Variants in EAF2 observed in about 807,000 individuals in gnomAD.
EAF2 encodes the protein ELL associated factor 2.
Under a neutral mutation model 29.4 loss-of-function variants are expected in EAF2, and 29 were observed. That is an observed-to-expected ratio of 0.99 (90% confidence interval 0.73 to 1.35). The LOEUF is 1.35. EAF2 is among the 40% of genes most tolerant of loss of function. The pLI, the probability that EAF2 is intolerant of heterozygous loss-of-function variation, is 0.00. For missense variants in EAF2, 292 were observed against 312.0 expected (o/e 0.94, Z 0.48); for synonymous variants, 103 against 102.5 (o/e 1.00, Z -0.03).
intron 4 of EAF2, among the ~76,000 whole-genome samples, chr3:121,862,040 G>C (rs1045842981): frequency 6.6e-6 from 1 of 152,204 alleles, no homozygotes; most frequent in Non-Finnish European, 1.5e-5. Flanking sequence ...CGAGAGATCT[G>C]CTGTTAGTCT....
At chr3:121,878,732 T>C (rs189857132) in intron 5 of EAF2, among the ~76,000 whole-genome samples, 2 of 152,276 alleles carry the variant, frequency 1.3e-5, no homozygotes, top group East Asian at 3.9e-4. Context: ...ATGACAAGAT[T>C]CCATTCCTTT....
At chr3:121,857,620 C>A (rs981752377) in intron 4 of EAF2, among the ~76,000 whole-genome samples, 13 of 151,670 alleles carry the variant, frequency 8.6e-5, no homozygotes, top group Non-Finnish European at 1.9e-4. Flanking sequence ...AATGATGTAG[C>A]TTATGATTTT....
chr3:121,886,421 A>AT lies in EAF2; in HGVS notation c.*33_*34insT. 7.1e-6 allele frequency: 9 copies of AT among 1,270,038 alleles called. No individual in the cohort carries two copies. Among genetic ancestry groups the AT allele is most frequent in the Non-Finnish European group, 8.5e-6 (8 of 946,060 alleles). 78.7% of individuals were successfully genotyped at this position (1,270,038 alleles called of 1,614,324 possible). On this transcript the variant is annotated 3_prime_UTR_variant, in exon 6 of 6. Transcript: ENST00000273668. Reference sequence around the variant, plus strand: ...TTTAGCTATAAATAAAAATTTATACAGCATGTATAATTTATTTTGTATTAA... The same window carrying AT: ...TTTAGCTATAAATAAAAATTTATACATGCATGTATAATTTATTTTGTATTAA...
At chr3:121,842,739 T>C (rs1346287785) in intron 1 of EAF2, among the ~76,000 whole-genome samples, 3 of 152,210 alleles carry the variant, frequency 2.0e-5, no homozygotes, top group Non-Finnish European at 4.4e-5. Context: ...TTCTGATTTT[T>C]TTCTCCTCAA....
At chr3:121,849,350 T>C (rs1708586836) in intron 2 of EAF2, among the ~76,000 whole-genome samples, 2 of 152,192 alleles carry the variant, frequency 1.3e-5, no homozygotes, top group Non-Finnish European at 2.9e-5. Flanking sequence ...CGAACACTGA[T>C]AGTCTGGTTA....
intron 4 of EAF2, among the ~76,000 whole-genome samples, chr3:121,866,616 T>G (rs1352983653): frequency 1.3e-5 from 2 of 151,870 alleles, no homozygotes; most frequent in Non-Finnish European, 2.9e-5. Flanking sequence ...TTCCAGCTAC[T>G]TGGGAGGCTG....
At chr3:121,847,420 C>CA (rs1272282731) in intron 2 of EAF2, among the ~76,000 whole-genome samples, 1 of 152,080 alleles carries the variant, frequency 6.6e-6, no homozygotes, top group Non-Finnish European at 1.5e-5. Flanking sequence ...TAAGATACAA[C>CA]AACAAAAGAA....
rs1708594370 is a variant in EAF2 at position 121,849,806 on chromosome 3, TC to T, written c.202-4879del. Among the ~76,000 whole-genome samples, 5 of 151,894 alleles carry T rather than the reference TC, an allele frequency of 3.3e-5. No homozygotes were observed. In the South Asian group the frequency reaches 1.0e-3, roughly 32 times the overall value. On this transcript the variant is annotated intron_variant, in intron 2 of 5. Coordinates refer to ENST00000273668, the MANE Select transcript of EAF2 (RefSeq NM_018456.6). ...ACCTCATCTGATTTTAGGACCAGAG[TC>T]CTATTTTAACATTGTTTTAAAGTTA...
chr3:121,853,314 A>G (rs1411460621), intron 2 of EAF2, among the ~76,000 whole-genome samples: 1 of 152,216 alleles, frequency 6.6e-6, no homozygotes, highest in Non-Finnish European at 1.5e-5. Context: ...TGTCTGTAAA[A>G]TGTCCTAACT....
intron 2 of EAF2, among the ~76,000 whole-genome samples, chr3:121,846,757 T>C (rs2107505194): frequency 6.6e-6 from 1 of 152,188 alleles, no homozygotes; most frequent in South Asian, 2.1e-4. Context: ...TTTTCTCAAG[T>C]TGCCATCCTC....
chr3:121,852,095 A>G (rs1708644902), intron 2 of EAF2, among the ~76,000 whole-genome samples: 1 of 152,224 alleles, frequency 6.6e-6, no homozygotes, highest in East Asian at 1.9e-4. Context: ...TATATTATTC[A>G]TATTTAACCT....
chr3:121,844,506 G>T lies in EAF2; in HGVS notation c.160G>T (p.Gly54Cys). Residue 54 changes from glycine to cysteine, a missense_variant, in exon 2 of 6, where the codon GGT becomes TGT. Gly to Cys is a radical substitution (Grantham distance 159, BLOSUM62 -3). Coordinates refer to ENST00000273668, the MANE Select transcript of EAF2 (RefSeq NM_018456.6). Reference protein sequence around the residue: ...DTSSEGYLEVGEGEQVTITLP... With the variant: ...DTSSEGYLEVCEGEQVTITLP... ...TTCTTCTGAAGGATACCTTGAGGTT[G>T]GTGAAGGTGAACAGGTGACCATAAC... The T allele has an allele frequency of 6.2e-7, 1 of 1,611,024 alleles. No homozygotes were observed. Among genetic ancestry groups the T allele is most frequent in the Non-Finnish European group, 8.5e-7 (1 of 1,178,690 alleles).
intron 2 of EAF2, among the ~76,000 whole-genome samples, chr3:121,851,525 C>T (rs1038658028): frequency 6.6e-6 from 1 of 152,130 alleles, no homozygotes; most frequent in African/African-American, 2.4e-5. Flanking sequence ...GGTTGACAAT[C>T]CTAAGTCAGT....
chr3:121,848,819 G>A (rs1206181057), intron 2 of EAF2, among the ~76,000 whole-genome samples: 1 of 151,850 alleles, frequency 6.6e-6, no homozygotes, highest in East Asian at 1.9e-4. Flanking sequence ...TGCTTCTTGT[G>A]CTTTTCAGTT....
intron 2 of EAF2, among the ~76,000 whole-genome samples, chr3:121,846,783 G>A (rs1478900743): frequency 6.6e-6 from 1 of 151,260 alleles, no homozygotes; most frequent in Non-Finnish European, 1.5e-5. Context: ...CTCATCCCTT[G>A]CATTGCTCTT....
chr3:121,848,065 A>C (rs1708560595), intron 2 of EAF2, among the ~76,000 whole-genome samples: 1 of 152,214 alleles, frequency 6.6e-6, no homozygotes, highest in Admixed American at 6.5e-5. Flanking sequence ...ATTTTGCAAC[A>C]TCTAAGCTTT....
At chr3:121,873,099 A>G (rs1205268167) in intron 5 of EAF2, 13 of 678,272 alleles carry the variant, frequency 1.9e-5, no homozygotes, top group Non-Finnish European at 2.9e-5. Flanking sequence ...TCATTCTACA[A>G]TTTCTCCCTA....
At chr3:121,858,553 T>C (rs908787511) in intron 4 of EAF2, among the ~76,000 whole-genome samples, 7 of 150,444 alleles carry the variant, frequency 4.7e-5, no homozygotes, top group Non-Finnish European at 8.9e-5. Flanking sequence ...AAGTTCTTCA[T>C]AGATTCTGGA....
At chr3:121,866,453 C>T (rs765008205) in intron 4 of EAF2, among the ~76,000 whole-genome samples, 4 of 152,042 alleles carry the variant, frequency 2.6e-5, no homozygotes, top group Admixed American at 1.3e-4. Flanking sequence ...TGGCTGGGTG[C>T]GGTGGCTCAC....
Sources: gnomAD v4.1 joint callset for allele counts (sites outside exome capture counted in the v4.1 genomes callset) on GRCh38, gnomAD v4.1.1 for gene constraint, MANE v1.5 for transcripts, NCBI Gene and HGNC (gene_info 2026-07-23, HGNC 2026-07-21) for gene names.